Variants in BOD1L1 observed in about 807,000 individuals in gnomAD.
BOD1L1 encodes the protein biorientation of chromosomes in cell division protein 1-like 1.
BOD1L1 carries 86 observed loss-of-function variants against 240.7 expected under a neutral mutation model. That is an observed-to-expected ratio of 0.36 (90% CI 0.30 to 0.43). The LOEUF (loss-of-function observed/expected upper bound fraction) is 0.43. Ranked by LOEUF, BOD1L1 falls within the 20% of genes least tolerant of loss-of-function variation. The pLI is 1.00. For synonymous variants in BOD1L1, 1,268 were observed against 1,272.3 expected (o/e 1.00, Z 0.07); for missense variants, 3,554 against 3,643.5 (o/e 0.98, Z 0.63).
At position 13,584,441 on chromosome 4, in the gene BOD1L1, A is replaced by AGAGT. The variant is rs1476066597; in HGVS notation, c.8434-1706_8434-1705insACTC. 6.0e-3 allele frequency among the ~76,000 whole-genome samples: 806 copies of AGAGT among 134,898 alleles called. 3 individuals carry two copies. The highest frequency in any genetic ancestry group is 6.4e-3 in the Non-Finnish European group (399 of 62,624). The allele number at this position is 134,898 out of a possible 152,430, so 88.5% of individuals were successfully genotyped here. A position where few individuals can be genotyped will look rare whatever the true frequency, so the allele number is the denominator to read the frequency against. ...GTGGCGGGGAGAGAAAGAGAGAGAG[A>AGAGT]GTGTGTGTGTGTGTGTGTGTGTGTG... On this transcript the variant is annotated intron_variant, in intron 17 of 25. Coordinates refer to ENST00000040738, the MANE Select transcript of BOD1L1 (RefSeq NM_148894.3).
rs746667559 is a variant in BOD1L1 at position 13,607,197 on chromosome 4, G to C, written c.1743-8C>G. ...GAGTTCTCTTCAACATTCCTAAGGG[G>C]GAAAGAGTCAAATATAAAGCATGAA... On this transcript the variant is annotated splice_polypyrimidine_tract_variant and splice_region_variant and intron_variant, in intron 8 of 25. Transcript: ENST00000040738. The C allele has an allele frequency of 6.5e-7, 1 of 1,541,490 alleles. No individual in the cohort carries two copies. Among genetic ancestry groups the C allele is most frequent in the Non-Finnish European group, 8.7e-7 (1 of 1,143,634 alleles).
At chr4:13,626,912 A>G (rs1717437246) in intron 1 of BOD1L1, among the ~76,000 whole-genome samples, 1 of 152,244 alleles carries the variant, frequency 6.6e-6, no homozygotes, top group African/African-American at 2.4e-5. Flanking sequence ...CCAGCAAAGC[A>G]TATTACACAT....
chr4:13,571,254 C>T (rs895842192), intron 25 of BOD1L1, among the ~76,000 whole-genome samples: 12 of 152,132 alleles, frequency 7.9e-5, no homozygotes, highest in African/African-American at 2.7e-4. Flanking sequence ...ACATGGCAAG[C>T]GGGCAGTAAA....
Position 13,602,007 on chromosome 4 carries a change from CAGT to C in BOD1L1, c.4890_4892del (p.Leu1631del). 1 of 1,613,972 alleles carries C rather than the reference CAGT, an allele frequency of 6.2e-7. No individual in the cohort carries two copies. On this transcript the variant is annotated inframe_deletion, in exon 10 of 26. Coordinates refer to ENST00000040738, the MANE Select transcript of BOD1L1 (RefSeq NM_148894.3). Reference sequence around the variant, plus strand: ...CTTCGATTTTAACTGCATGCACAGCCAGTAGGTCTGCTGCTCTGTCCTCAGATT... The same window carrying C: ...CTTCGATTTTAACTGCATGCACAGCCAGGTCTGCTGCTCTGTCCTCAGATT...
chr4:13,576,122 G>C (rs1239487580), intron 25 of BOD1L1, among the ~76,000 whole-genome samples: 2 of 151,786 alleles, frequency 1.3e-5, no homozygotes, highest in Non-Finnish European at 2.9e-5. Flanking sequence ...GGATGGTCTC[G>C]ATCTCCGGAC....
intron 10 of BOD1L1, among the ~76,000 whole-genome samples, chr4:13,597,708 A>C (rs1432313344): frequency 6.6e-6 from 1 of 152,172 alleles, no homozygotes; most frequent in African/African-American, 2.4e-5. Flanking sequence ...GCTTCTGTGG[A>C]AACCCTTCTA....
intron 14 of BOD1L1, 143 bp from the exon 15 acceptor site, chr4:13,588,935 A>G: frequency 1.9e-6 from 1 of 524,462 alleles, no homozygotes; most frequent in Admixed American, 3.6e-5. Context: ...ATTGTGGTAG[A>G]TAGTCACAAA....
intron 3 of BOD1L1, 105 bp downstream of exon 3, chr4:13,615,207 G>A: frequency 8.6e-7 from 1 of 1,167,110 alleles, no homozygotes; most frequent in Non-Finnish European, 1.2e-6. Context: ...CAATTTCATT[G>A]GAATAGCCAA....
At chr4:13,618,724 T>G (rs943873903) in intron 2 of BOD1L1, among the ~76,000 whole-genome samples, 2 of 152,222 alleles carry the variant, frequency 1.3e-5, no homozygotes, top group Non-Finnish European at 2.9e-5. Flanking sequence ...CTAAATAGGT[T>G]TGTCTTTTAG....
At chr4:13,610,732 G>A (rs1428612628) in intron 6 of BOD1L1, among the ~76,000 whole-genome samples, 1 of 152,090 alleles carries the variant, frequency 6.6e-6, no homozygotes, top group African/African-American at 2.4e-5. Flanking sequence ...TTCGGATAAG[G>A]GATATTCACT....
chr4:13,591,787 C>T (rs538519411), intron 13 of BOD1L1, 136 bp downstream of exon 13: 1 of 610,234 alleles, frequency 1.6e-6, no homozygotes, highest in East Asian at 2.9e-5. Flanking sequence ...ATGAAGAGTA[C>T]ACTACCAAAT....
Position 13,600,427 on chromosome 4 carries a change from C to T in BOD1L1, c.6473G>A (p.Ser2158Asn). 6.2e-7 allele frequency: 1 copy of T among 1,613,982 alleles called. No individual in the cohort carries two copies. The highest frequency in any genetic ancestry group is 8.5e-7 in the Non-Finnish European group (1 of 1,179,898). ...TTCAGCACACTTGATGGTTGTTGCA[C>T]TGGAGATAGGCAATTCGAATTCTTC... ...IGEEFELPIS[S>N]ATTIKCAESL... is the part of the protein sequence containing the mutation. Residue 2158 changes from serine (S) to asparagine (N), a missense_variant, in exon 10 of 26, where the codon AGT (serine) becomes AAT (asparagine). Physicochemically the swap from Ser to Asn is conservative, Grantham distance 46. Transcript: ENST00000040738.
chr4:13,601,433 C>T lies in BOD1L1; in HGVS notation c.5467G>A (p.Glu1823Lys). ...SEGFAISSES[E>K]ENGESAMDST... is the part of the protein sequence containing the mutation. The stretch of plus-strand genomic sequence containing the variant: ...TCCATTGCACTCTCTCCATTTTCTT[C>T]CGATTCAGAACTTATAGCAAAGCCT... The change falls in exon 10 of 26, where the codon GAA becomes AAA. Residue 1823 changes from glutamate to lysine, a missense_variant. Glu to Lys is a moderately conservative substitution (Grantham distance 56). This residue lies in a region of BOD1L1 where 3,393 missense variants were observed against 3,427.1 expected (regional missense o/e 0.99). Coordinates refer to ENST00000040738, the MANE Select transcript of BOD1L1 (RefSeq NM_148894.3). 1 of 1,614,042 alleles carries T rather than the reference C, an allele frequency of 6.2e-7. No individual in the cohort carries two copies. The highest frequency in any genetic ancestry group is 8.5e-7 in the Non-Finnish European group (1 of 1,179,908).
intron 14 of BOD1L1, among the ~76,000 whole-genome samples, chr4:13,589,526 G>A (rs1021011196): frequency 6.6e-5 from 10 of 152,218 alleles, no homozygotes; most frequent in Non-Finnish European, 1.2e-4. Context: ...ATAAGGTGGG[G>A]AGGGTTTATG....
intron 2 of BOD1L1, among the ~76,000 whole-genome samples, chr4:13,617,331 C>T (rs1033644256): frequency 6.6e-6 from 1 of 151,844 alleles, no homozygotes; most frequent in Non-Finnish European, 1.5e-5. Context: ...CAGTCTCTTT[C>T]TCTGTTTGCC....
At position 13,614,620 on chromosome 4, in the gene BOD1L1, T is replaced by C; in HGVS notation, c.750A>G (p.Glu250=). 1 of 1,613,988 alleles carries C rather than the reference T, an allele frequency of 6.2e-7. No homozygotes were observed. Among genetic ancestry groups the C allele is most frequent in the Non-Finnish European group, 8.5e-7 (1 of 1,179,888 alleles). ...QPTTDTSTDK[E]RTSEDMADKE... ...TATCAGCCATGTCCTCTGAAGTTCT[T>C]TCTTTGTCAGTACTAGTATCAGTGG... Residue 250 remains glutamate (E), a synonymous_variant, in exon 4 of 26, where the codon GAA becomes GAG. Coordinates refer to ENST00000040738, the MANE Select transcript of BOD1L1 (RefSeq NM_148894.3).
At chr4:13,596,612 A>G (rs1560193562) in intron 11 of BOD1L1, among the ~76,000 whole-genome samples, 12 of 151,620 alleles carry the variant, frequency 7.9e-5, no homozygotes. Context: ...ATTTTATTCT[A>G]AGCATGATGG....
In BOD1L1 at chr4:13,614,674, T is replaced by A; in HGVS notation, c.696A>T (p.Arg232Ser). ...GCTGAGATGGAAGTTTTTTTGACGC[T>A]CTCTCACTGGTCTTGGCATTTGATG... ...TETSNAKTSERASKKLPSQPT... is the reference protein window; with the variant it reads ...TETSNAKTSESASKKLPSQPT... Residue 232 changes from arginine (R) to serine (S), a missense_variant, in exon 4 of 26, where the codon AGA becomes AGT. This residue lies in a region of BOD1L1 where 3,393 missense variants were observed against 3,427.1 expected (regional missense o/e 0.99). Transcript: ENST00000040738. 1 of 1,613,910 alleles carries A rather than the reference T, an allele frequency of 6.2e-7. No individual in the cohort carries two copies. Among genetic ancestry groups the A allele is most frequent in the Non-Finnish European group, 8.5e-7 (1 of 1,179,862 alleles).
intron 25 of BOD1L1, among the ~76,000 whole-genome samples, chr4:13,573,078 T>G (rs1471513690): frequency 6.6e-6 from 1 of 152,112 alleles, no homozygotes; most frequent in East Asian, 1.9e-4. Flanking sequence ...TATTGTGATT[T>G]AGAAAAAAGA....
Sources: allele counts gnomAD v4.1 joint callset (sites outside exome capture counted in the v4.1 genomes callset), GRCh38; gene constraint gnomAD v4.1.1; regional missense constraint gnomAD v4.1.1; transcripts MANE v1.5; gene names NCBI Gene and HGNC (gene_info 2026-07-23, HGNC 2026-07-21).